GAS7: variants seen among roughly 807,000 people sequenced by gnomAD.
The protein encoded by GAS7 is growth arrest specific 7.
Under a neutral mutation model 71.1 loss-of-function variants are expected in GAS7, and 28 were observed. The ratio of observed to expected loss-of-function variants is 0.39; its 90% CI spans 0.29 to 0.54. GAS7 has a LOEUF of 0.54. Ranked by LOEUF, GAS7 falls within the 20% of genes least tolerant of loss-of-function variation. The pLI, the probability that GAS7 is intolerant of heterozygous loss-of-function variation, is 0.62. For missense variants in GAS7, 436 were observed against 627.8 expected, an observed-to-expected ratio of 0.69 and a Z score of 3.27; for synonymous variants, 258 against 245.8, an observed-to-expected ratio of 1.05 and a Z score of -0.46.
intron 1 of GAS7, among the ~76,000 whole-genome samples, chr17:10,183,396 T>A (rs1370044331): frequency 1.3e-5 from 2 of 151,810 alleles, no homozygotes; most frequent in Admixed American, 6.6e-5. Flanking sequence ...CCAATGAAAC[T>A]CCAGTTAACA....
chr17:9,918,081 C>A lies in GAS7; in HGVS notation c.1237G>T (p.Val413Leu). The A allele has an allele frequency of 2.5e-6, 4 of 1,613,576 alleles. No homozygotes were observed. Among genetic ancestry groups the A allele is most frequent in the Non-Finnish European group, 3.4e-6 (4 of 1,179,566 alleles). Residue 413 changes from valine to leucine, a missense_variant, in exon 13 of 14, where the codon GTG (valine) becomes TTG (leucine). Val to Leu is a conservative substitution (Grantham distance 32, BLOSUM62 1). Coordinates refer to ENST00000432992, the MANE Select transcript of GAS7 (RefSeq NM_201433.2). Reference protein sequence around the residue: ...TTTLELERLEVERVEMIRQHL... With the variant: ...TTTLELERLELERVEMIRQHL... ...TGCCGGATCATCTCTACCCTCTCCACCTCCAGCCGCTCTAGCTCCTGCCGA... is the reference window on the plus strand; with the variant it reads ...TGCCGGATCATCTCTACCCTCTCCAACTCCAGCCGCTCTAGCTCCTGCCGA...
At chr17:10,175,866 G>A (rs1167672081) in intron 1 of GAS7, among the ~76,000 whole-genome samples, 1 of 152,160 alleles carries the variant, frequency 6.6e-6, no homozygotes, top group East Asian at 1.9e-4. Flanking sequence ...GGTACTAGGG[G>A]TTGGGACTTC....
chr17:10,144,314 C>A (rs1242280179), intron 1 of GAS7, among the ~76,000 whole-genome samples: 1 of 152,154 alleles, frequency 6.6e-6, no homozygotes, highest in East Asian at 1.9e-4. Flanking sequence ...GACAGGTGAG[C>A]CTCTGCTTCT....
At chr17:9,972,594 A>G (rs970141248) in intron 3 of GAS7, among the ~76,000 whole-genome samples, 2 of 150,558 alleles carry the variant, frequency 1.3e-5, no homozygotes, top group Admixed American at 1.3e-4. Context: ...TCCTACAAAC[A>G]AAGATAACAT....
At chr17:9,951,369 G>A (rs931558042) in intron 5 of GAS7, among the ~76,000 whole-genome samples, 5 of 152,212 alleles carry the variant, frequency 3.3e-5, no homozygotes, top group Non-Finnish European at 7.4e-5. Context: ...GGAGTGGCCT[G>A]CCCTGCGGGC....
At chr17:10,038,516 T>C (rs892652142) in intron 1 of GAS7, among the ~76,000 whole-genome samples, 5 of 152,128 alleles carry the variant, frequency 3.3e-5, no homozygotes, top group Non-Finnish European at 7.4e-5. Flanking sequence ...AGAATTGCCA[T>C]ATGGTCCAGC....
At chr17:10,086,998 A>T (rs534871373) in intron 1 of GAS7, among the ~76,000 whole-genome samples, 1 of 152,348 alleles carries the variant, frequency 6.6e-6, no homozygotes, top group African/African-American at 2.4e-5. Flanking sequence ...CCCAGTTATG[A>T]AATAATGTCA....
chr17:10,196,382 T>C lies in GAS7; in HGVS notation c.183+1826A>G, dbSNP rs114155852. ...GGAACTGGTGATAACGTGCACACAC[T>C]GTGCCAAGCAGGTGCTCAGAAGTAT... On this transcript the variant is annotated intron_variant, in intron 1 of 13. Transcript: ENST00000432992. Among the ~76,000 whole-genome samples the C allele has an allele frequency of 4.1e-3, 617 of 152,308 alleles. 7 individuals are homozygous for C. Among genetic ancestry groups the C allele is most frequent in the African/African-American group, 0.014 (594 of 41,560 alleles).
At chr17:10,148,149 G>A (rs1191583429) in intron 1 of GAS7, among the ~76,000 whole-genome samples, 1 of 152,082 alleles carries the variant, frequency 6.6e-6, no homozygotes, top group Admixed American at 6.5e-5. Context: ...GAGAAAGAGG[G>A]AGTCAAAAAA....
At chr17:9,927,332 CACAA>C (rs1335898085) in intron 9 of GAS7, among the ~76,000 whole-genome samples, 3 of 148,644 alleles carry the variant, frequency 2.0e-5, no homozygotes, top group Non-Finnish European at 3.0e-5. Context: ...CACACACACA[CACAA>C]ATTAGCTGGG....
intron 2 of GAS7, among the ~76,000 whole-genome samples, chr17:10,016,212 C>T (rs2071990401): frequency 6.6e-6 from 1 of 151,472 alleles, no homozygotes; most frequent in Non-Finnish European, 1.5e-5. Context: ...GGTGAAACCC[C>T]ATCTCTACTA....
intron 1 of GAS7, among the ~76,000 whole-genome samples, chr17:10,180,694 C>G (rs1256872085): frequency 6.6e-6 from 1 of 152,126 alleles, no homozygotes; most frequent in Admixed American, 6.5e-5. Context: ...CCCAATCAAT[C>G]TTGTTACCTA....
chr17:10,014,805 C>G (rs1398342655), intron 2 of GAS7, among the ~76,000 whole-genome samples: 3 of 152,170 alleles, frequency 2.0e-5, no homozygotes, highest in Non-Finnish European at 4.4e-5. Context: ...GAGCCCGGCT[C>G]AGTGGCTAGC....
At chr17:10,072,902 GAAAACA>G (rs2073355971) in intron 1 of GAS7, among the ~76,000 whole-genome samples, 2 of 151,756 alleles carry the variant, frequency 1.3e-5, no homozygotes, top group African/African-American at 4.8e-5. Flanking sequence ...AAAAAAAAAA[GAAAACA>G]AAAACAAAAA....
intron 9 of GAS7, among the ~76,000 whole-genome samples, chr17:9,932,673 G>A (rs1028592081): frequency 1.3e-5 from 2 of 152,202 alleles, no homozygotes; most frequent in African/African-American, 2.4e-5. Flanking sequence ...GAAACATGGA[G>A]AAATCTTGAG....
At chr17:10,098,414 C>G (rs2073666056) in intron 1 of GAS7, among the ~76,000 whole-genome samples, 1 of 152,196 alleles carries the variant, frequency 6.6e-6, no homozygotes, top group Non-Finnish European at 1.5e-5. Flanking sequence ...CCAGATCTCT[C>G]CATCCACCAC....
At chr17:9,935,072 G>A (rs939302798) in intron 8 of GAS7, among the ~76,000 whole-genome samples, 1 of 152,172 alleles carries the variant, frequency 6.6e-6, no homozygotes, top group Non-Finnish European at 1.5e-5. Context: ...CAAACAGCAG[G>A]TATCACACAG....
Position 9,911,019 on chromosome 17 carries a change from C to T in GAS7, c.*6209G>A, listed in dbSNP as rs886277210. The T allele has an allele frequency of 3.0e-5, 7 of 232,898 alleles. No homozygotes were observed. Among genetic ancestry groups the T allele is most frequent in the Admixed American group, 1.1e-4 (2 of 17,748 alleles). 14.4% of individuals were successfully genotyped at this position (232,898 alleles called of 1,614,324 possible). ...AAAATTCCACTTTCATAGGGTTTGC[C>T]GATGTGCTCGTGTCTGTGAAGGGGT... On this transcript the variant is annotated 3_prime_UTR_variant, in exon 14 of 14. Coordinates refer to ENST00000432992, the MANE Select transcript of GAS7 (RefSeq NM_201433.2). This position sits in a 1 kb window ranked among gnomAD's most constrained non-coding sequence, Gnocchi z 4.0.
chr17:10,132,611 C>CA (rs1033588998), intron 1 of GAS7, among the ~76,000 whole-genome samples: 5 of 151,954 alleles, frequency 3.3e-5, no homozygotes, highest in Admixed American at 2.6e-4. Context: ...ACTAAAAATA[C>CA]AAAAAAATTA....
Sources: allele counts gnomAD v4.1 joint callset (sites outside exome capture counted in the v4.1 genomes callset), GRCh38; gene constraint gnomAD v4.1.1; non-coding constraint Gnocchi (gnomAD v3.1); transcripts MANE v1.5; gene names NCBI Gene and HGNC (gene_info 2026-07-23, HGNC 2026-07-21).